Variants in ERP44 observed in about 807,000 individuals in gnomAD.
ERP44 encodes the protein endoplasmic reticulum resident protein 44.
Under a neutral mutation model 53.4 loss-of-function variants are expected in ERP44, and 25 were observed. The ratio of observed to expected loss-of-function variants is 0.47; its 90% confidence interval spans 0.34 to 0.65. The LOEUF (loss-of-function observed/expected upper bound fraction) is 0.65, where lower values mean the gene tolerates loss of function less well. ERP44 is among the 30% of genes least tolerant of loss of function. The pLI, the probability that ERP44 is intolerant of heterozygous loss-of-function variation, is 0.01. For missense variants in ERP44, 338 were observed against 493.2 expected, an observed-to-expected ratio of 0.69 and a Z score of 2.98; for synonymous variants, 145 against 161.2, an observed-to-expected ratio of 0.90 and a Z score of 0.76.
At chr9:99,986,996 T>C (rs180823620) in intron 10 of ERP44, among the ~76,000 whole-genome samples, 67 of 152,352 alleles carry the variant, frequency 4.4e-4, no homozygotes, top group African/African-American at 1.6e-3. Flanking sequence ...GGCCAAAGAT[T>C]ATCACAACTA....
Position 100,052,539 on chromosome 9 carries a change from A to G in ERP44, c.171-7T>C. ...CATCTGACTGAAACGACACCTATACACAGAGAAGGATGCCAATTAGAAATG... is the reference window on the plus strand; with the variant it reads ...CATCTGACTGAAACGACACCTATACGCAGAGAAGGATGCCAATTAGAAATG... On this transcript the variant is annotated splice_region_variant and splice_polypyrimidine_tract_variant and intron_variant, in intron 3 of 11. Transcript: ENST00000262455. 6.6e-7 allele frequency: 1 copy of G among 1,504,858 alleles called. No individual in the cohort carries two copies. Among genetic ancestry groups the G allele is most frequent in the South Asian group, 1.2e-5 (1 of 83,818 alleles). The allele number at this position is 1,504,858 out of a possible 1,614,324, so 93.2% of individuals were successfully genotyped here.
chr9:100,039,901 A>G (rs1176595559), intron 4 of ERP44, among the ~76,000 whole-genome samples: 1 of 152,138 alleles, frequency 6.6e-6, no homozygotes, highest in Non-Finnish European at 1.5e-5. Flanking sequence ...ACTATTTGCC[A>G]ATAAATTGGA....
intron 10 of ERP44, among the ~76,000 whole-genome samples, chr9:99,997,114 C>T (rs1195809001): frequency 2.6e-5 from 4 of 151,994 alleles, no homozygotes; most frequent in African/African-American, 7.3e-5. Flanking sequence ...AACATGCGTG[C>T]GAAGTATCTT....
At chr9:100,097,603 T>C (rs1826655042) in intron 1 of ERP44, among the ~76,000 whole-genome samples, 1 of 152,228 alleles carries the variant, frequency 6.6e-6, no homozygotes, top group Non-Finnish European at 1.5e-5. Flanking sequence ...AGACACTCTA[T>C]CATTTAATAT....
intron 1 of ERP44, among the ~76,000 whole-genome samples, chr9:100,083,766 G>A (rs1826452463): frequency 6.6e-6 from 1 of 152,132 alleles, no homozygotes; most frequent in South Asian, 2.1e-4. Context: ...GCACTAACAG[G>A]CTCCTAGCTA....
chr9:99,989,517 C>G (rs145518947), intron 10 of ERP44, among the ~76,000 whole-genome samples: 2 of 152,156 alleles, frequency 1.3e-5, no homozygotes, highest in African/African-American at 2.4e-5. Flanking sequence ...AAAGGACATT[C>G]ACACAAAAAC....
At chr9:100,015,613 T>C (rs576124572) in intron 8 of ERP44, among the ~76,000 whole-genome samples, 1 of 152,332 alleles carries the variant, frequency 6.6e-6, no homozygotes, top group East Asian at 1.9e-4. Context: ...CAGAAAAATC[T>C]TCTAGTGGCA....
At chr9:100,068,390 A>G (rs1826254091) in intron 1 of ERP44, among the ~76,000 whole-genome samples, 1 of 104,826 alleles carries the variant, frequency 9.5e-6, no homozygotes, top group Non-Finnish European at 1.9e-5. Flanking sequence ...TGGGGGGGTC[A>G]GCCCCCTGCC....
intron 10 of ERP44, chr9:99,999,050 C>T: frequency 2.5e-6 from 2 of 792,196 alleles, no homozygotes; most frequent in South Asian, 1.4e-5. Context: ...AGGCCCGGGG[C>T]AGGAGGCGGA....
At chr9:100,067,138 A>G (rs1358798061) in intron 1 of ERP44, among the ~76,000 whole-genome samples, 1 of 151,996 alleles carries the variant, frequency 6.6e-6, no homozygotes, top group Non-Finnish European at 1.5e-5. Context: ...AAAAAACCAA[A>G]CAACCGCTCT....
intron 10 of ERP44, chr9:99,998,916 G>A (rs1830344871): frequency 1.3e-6 from 2 of 1,595,900 alleles, no homozygotes; most frequent in South Asian, 2.2e-5. Flanking sequence ...CTCAGGGTTG[G>A]CACTGGTCTT....
In ERP44 at chr9:99,981,480, C is replaced by T. The variant is rs957318050; in HGVS notation, c.*1132G>A. The T allele has an allele frequency of 4.6e-5, 7 of 152,584 alleles. No homozygotes were observed. Among genetic ancestry groups the T allele is most frequent in the African/African-American group, 1.7e-4 (7 of 41,436 alleles). 9.5% of individuals were successfully genotyped at this position (152,584 alleles called of 1,614,324 possible). A position where few individuals can be genotyped will look rare whatever the true frequency, so the allele number is the denominator to read the frequency against. The stretch of plus-strand genomic sequence containing the variant: ...AATGACCCTTGGCCTATAGCACCAA[C>T]CCAGGCCCAGAGGAAAAGCCAGTTT... On this transcript the variant is annotated 3_prime_UTR_variant, in exon 12 of 12. Coordinates refer to ENST00000262455, the MANE Select transcript of ERP44 (RefSeq NM_015051.3).
intron 10 of ERP44, among the ~76,000 whole-genome samples, chr9:100,006,058 G>GC (rs752701398): frequency 1.2e-4 from 18 of 152,152 alleles, no homozygotes; most frequent in African/African-American, 3.9e-4. Flanking sequence ...CCTAGTAATA[G>GC]CAAGATTCAT....
At chr9:99,995,393 C>T (rs1387348191) in intron 10 of ERP44, among the ~76,000 whole-genome samples, 2 of 152,142 alleles carry the variant, frequency 1.3e-5, no homozygotes, top group Non-Finnish European at 2.9e-5. Context: ...TGAGATTGAA[C>T]ATCTTTGCCT....
In ERP44 at chr9:99,992,690, T is replaced by G. The variant is rs562132177; in HGVS notation, c.1017-7621A>C. On this transcript the variant is annotated intron_variant, in intron 10 of 11. Transcript: ENST00000262455. Reference sequence around the variant, plus strand: ...ACGGCAATCAGGCAGGAGAAAGAAATAAAGGGTATTCAATTAGGAAAAGAG... The same window carrying G: ...ACGGCAATCAGGCAGGAGAAAGAAAGAAAGGGTATTCAATTAGGAAAAGAG... 7.2e-5 allele frequency among the ~76,000 whole-genome samples: 11 copies of G among 152,232 alleles called. No homozygotes were observed. The South Asian group carries it at 1.9e-3, about 26-fold the overall frequency.
chr9:100,052,405 T>C lies in ERP44; in HGVS notation c.286+12A>G. ...GGACAGTCTCTTCTAGACTTCCTAT[T>C]GAGGTACTTACAGTGCTGATCACAA... On this transcript the variant is annotated intron_variant, in intron 4 of 11. Transcript: ENST00000262455. 2 of 1,487,598 alleles carry C rather than the reference T, an allele frequency of 1.3e-6. No individual in the cohort carries two copies. Among genetic ancestry groups the C allele is most frequent in the Non-Finnish European group, 1.9e-6 (2 of 1,070,474 alleles). The allele number at this position is 1,487,598 out of a possible 1,614,324, so 92.1% of individuals were successfully genotyped here.
intron 1 of ERP44, among the ~76,000 whole-genome samples, chr9:100,084,928 A>G (rs1418245397): frequency 6.6e-6 from 1 of 152,242 alleles, no homozygotes; most frequent in African/African-American, 2.4e-5. Flanking sequence ...CAAAAAGCTA[A>G]GGCAACAAAC....
intron 2 of ERP44, 64 bp from the exon 3 acceptor site, chr9:100,057,923 G>T: frequency 8.0e-7 from 1 of 1,247,910 alleles, no homozygotes; most frequent in Non-Finnish European, 1.2e-6. Flanking sequence ...TAAACATACA[G>T]TTTCATTATG....
At chr9:100,043,897 T>C (rs1825940153) in intron 4 of ERP44, among the ~76,000 whole-genome samples, 1 of 152,212 alleles carries the variant, frequency 6.6e-6, no homozygotes, top group Non-Finnish European at 1.5e-5. Flanking sequence ...GTGACTGTAG[T>C]TAATAATAAT....
Sources: gnomAD v4.1 joint callset for allele counts (sites outside exome capture counted in the v4.1 genomes callset) on GRCh38, gnomAD v4.1.1 for gene constraint, MANE v1.5 for transcripts, NCBI Gene and HGNC (gene_info 2026-07-23, HGNC 2026-07-21) for gene names.